The following SLC4A8 variants were observed in gnomAD, a reference collection of about 807,000 sequenced individuals.
The protein encoded by SLC4A8 is solute carrier family 4 member 8, also known as electroneutral sodium bicarbonate exchanger 1.
A neutral mutation model predicts 125.0 loss-of-function variants in SLC4A8; 40 were observed. The observed-to-expected ratio is 0.32, with a 90% CI of 0.25 to 0.42. SLC4A8 has a LOEUF of 0.42. SLC4A8 is among the 10% of genes least tolerant of loss of function. The pLI is 1.00. For synonymous variants in SLC4A8, 456 were observed against 476.0 expected, an observed-to-expected ratio of 0.96 and a Z score of 0.55; for missense variants, 863 against 1,355.1, an observed-to-expected ratio of 0.64 and a Z score of 5.70.
At chr12:51,491,869 CT>C (rs1391921376) in intron 19 of SLC4A8, among the ~76,000 whole-genome samples, 9 of 151,884 alleles carry the variant, frequency 5.9e-5, no homozygotes, top group Non-Finnish European at 1.0e-4. Context: ...TAACATGGAA[CT>C]TTTTTACTGA....
chr12:51,458,611 T>C lies in SLC4A8; in HGVS notation c.816T>C (p.Asn272=). ...CAACTACAAATCTTGAAGTAAAAAA[T>C]GGAGTGAATTGTGAACATAGTCCTG... is the stretch of plus-strand genomic sequence containing the variant. ...SVPTTNLEVK[N]GVNCEHSPVD... Residue 272 remains asparagine, a synonymous_variant, in exon 7 of 25, where the codon AAT becomes AAC. Coordinates refer to ENST00000453097, the MANE Select transcript of SLC4A8 (RefSeq NM_001039960.3). 1.2e-6 allele frequency: 2 copies of C among 1,613,830 alleles called. No individual in the cohort carries two copies. Among genetic ancestry groups the C allele is most frequent in the Non-Finnish European group, 1.7e-6 (2 of 1,179,818 alleles).
intron 1 of SLC4A8, among the ~76,000 whole-genome samples, chr12:51,410,764 A>G (rs1326752247): frequency 6.6e-6 from 1 of 151,604 alleles, no homozygotes; most frequent in African/African-American, 2.4e-5. Context: ...CTGGCCAATC[A>G]TTTTTTAATT....
chr12:51,504,329 A>G (rs1938073449), intron 23 of SLC4A8, among the ~76,000 whole-genome samples: 1 of 152,222 alleles, frequency 6.6e-6, no homozygotes. Context: ...TATGGGAATC[A>G]CAAGAAGAGA....
At chr12:51,471,253 C>T in intron 13 of SLC4A8, 34 bp from the exon 14 acceptor site, 1 of 1,594,942 alleles carries the variant, frequency 6.3e-7, no homozygotes, top group Non-Finnish European at 8.5e-7. Context: ...TGCCATCCAT[C>T]CATGCGTTCT....
chr12:51,465,521 A>G (rs960326353), intron 11 of SLC4A8, among the ~76,000 whole-genome samples: 3 of 152,222 alleles, frequency 2.0e-5, no homozygotes, highest in African/African-American at 4.8e-5. Flanking sequence ...CAGGATCATC[A>G]TATTCTTATT....
rs1950659636 is a variant in SLC4A8 at position 51,470,467 on chromosome 12, A to G, written c.1600A>G (p.Ile534Val). The stretch of plus-strand genomic sequence containing the variant: ...CTTGTTTGCGGGACAGGCTCTCACC[A>G]TCCTGGGAAGTACTGGACCAGTGCT... ...YSLFAGQALTILGSTGPVLVF... is the reference protein window; with the variant it reads ...YSLFAGQALTVLGSTGPVLVF... The change falls in exon 13 of 25, where the codon ATC becomes GTC. Residue 534 changes from isoleucine (I) to valine (V), a missense_variant. Physicochemically the swap from Ile to Val is conservative, Grantham distance 29 (BLOSUM62 3). Coordinates refer to ENST00000453097, the MANE Select transcript of SLC4A8 (RefSeq NM_001039960.3). The G allele has an allele frequency of 6.8e-6, 11 of 1,613,654 alleles. No individual in the cohort carries two copies. The highest frequency in any genetic ancestry group is 1.1e-5 in the South Asian group (1 of 91,058).
Position 51,510,447 on chromosome 12 carries a change from T to C in SLC4A8, c.*3009T>C, listed in dbSNP as rs1303046620. On this transcript the variant is annotated 3_prime_UTR_variant, in exon 25 of 25. Transcript: ENST00000453097. ...TCAAAAAAAAAAAAAAAAAAAAACT[T>C]CCCAATAGGAGGTATTCCTTGATGG... The C allele has an allele frequency of 4.8e-5, 7 of 146,894 alleles. 1 individual carries two copies. The highest frequency in any genetic ancestry group is 4.0e-4 in the East Asian group (2 of 4,980). 9.1% of individuals were successfully genotyped at this position (146,894 alleles called of 1,614,324 possible). A position where few individuals can be genotyped will look rare whatever the true frequency, so the allele number is the denominator to read the frequency against.
At chr12:51,490,479 C>T (rs978902032) in intron 19 of SLC4A8, among the ~76,000 whole-genome samples, 2 of 148,508 alleles carry the variant, frequency 1.3e-5, no homozygotes, top group Non-Finnish European at 3.0e-5. Context: ...GGGAGAATGG[C>T]GTGAACCCAG....
intron 14 of SLC4A8, 126 bp downstream of exon 14, chr12:51,471,658 C>T: frequency 1.4e-5 from 15 of 1,055,196 alleles, no homozygotes; most frequent in Non-Finnish European, 2.1e-5. Flanking sequence ...GGAAACGGAT[C>T]TCAGATACAG....
intron 6 of SLC4A8, among the ~76,000 whole-genome samples, chr12:51,457,770 C>T (rs978656881): frequency 6.6e-6 from 1 of 152,116 alleles, no homozygotes; most frequent in African/African-American, 2.4e-5. Flanking sequence ...GGGACTTATG[C>T]CCCAGGGTGG....
chr12:51,409,802 C>T (rs1948561269), intron 1 of SLC4A8, among the ~76,000 whole-genome samples: 1 of 152,196 alleles, frequency 6.6e-6, no homozygotes, highest in Admixed American at 6.5e-5. Flanking sequence ...AAGCCAAATA[C>T]TCATGAGGCG....
intron 1 of SLC4A8, among the ~76,000 whole-genome samples, chr12:51,415,159 T>TCTATATCC (rs1948661284): frequency 6.6e-6 from 1 of 152,032 alleles, no homozygotes. Context: ...GGTGCAAAAG[T>TCTATATCC]AATTGTGGTT....
At chr12:51,462,613 C>T (rs1216242571) in intron 10 of SLC4A8, 157 bp downstream of exon 10, 3 of 574,290 alleles carry the variant, frequency 5.2e-6, no homozygotes, top group Non-Finnish European at 8.2e-6. Flanking sequence ...TGAATCTGGG[C>T]TGGGTGTGGT....
chr12:51,465,354 G>A (rs978526542), intron 11 of SLC4A8, among the ~76,000 whole-genome samples: 5 of 152,138 alleles, frequency 3.3e-5, no homozygotes, highest in African/African-American at 1.2e-4. Flanking sequence ...TGCTCTTTGT[G>A]CCAAAGAAAA....
At chr12:51,396,925 A>ATTTTTTTTTT (rs753146267) in intron 1 of SLC4A8, among the ~76,000 whole-genome samples, 7 of 106,308 alleles carry the variant, frequency 6.6e-5, no homozygotes, top group East Asian at 2.8e-4. Flanking sequence ...GCCTTAGTTA[A>ATTTTTTTTTT]TTTTTTTTTT....
intron 15 of SLC4A8, 94 bp from the exon 16 acceptor site, chr12:51,474,951 A>T: frequency 8.4e-7 from 1 of 1,183,726 alleles, no homozygotes; most frequent in Non-Finnish European, 1.2e-6. Context: ...GCTCCCAACA[A>T]CCATGGGATG....
intron 22 of SLC4A8, chr12:51,497,982 T>C (rs1937641925): frequency 6.6e-6 from 1 of 151,796 alleles, no homozygotes; most frequent in African/African-American, 2.4e-5. Context: ...GCCCAGGAGG[T>C]TGAGGCTGCA....
intron 1 of SLC4A8, among the ~76,000 whole-genome samples, chr12:51,412,400 T>C (rs1302963761): frequency 6.6e-6 from 1 of 152,220 alleles, no homozygotes; most frequent in Non-Finnish European, 1.5e-5. Context: ...AGGATATCCA[T>C]TACCTTGAAC....
chr12:51,478,457 AC>A (rs1950922106), intron 16 of SLC4A8, among the ~76,000 whole-genome samples: 1 of 151,878 alleles, frequency 6.6e-6, no homozygotes, highest in Admixed American at 6.6e-5. Context: ...AAAATTACAG[AC>A]GCAAAGAAAC....
Sources: gnomAD v4.1 joint callset for allele counts (sites outside exome capture counted in the v4.1 genomes callset) on GRCh38, gnomAD v4.1.1 for gene constraint, MANE v1.5 for transcripts, NCBI Gene and HGNC (gene_info 2026-07-23, HGNC 2026-07-21) for gene names.